Variants in TMEM196 observed in about 807,000 individuals in gnomAD.
The protein encoded by TMEM196 is transmembrane protein 196.
TMEM196 carries 17 observed loss-of-function variants against 20.0 expected under a neutral mutation model. That is an observed-to-expected ratio of 0.85 (90% CI 0.58 to 1.27). The LOEUF (loss-of-function observed/expected upper bound fraction) is 1.27, where lower values mean the gene tolerates loss of function less well. Ranked by LOEUF, TMEM196 falls within the 50% of genes most tolerant of loss-of-function variation. TMEM196 has a pLI of 0.00. For missense variants in TMEM196, 267 were observed against 223.0 expected (o/e 1.20, Z -1.26); for synonymous variants, 113 against 88.9 (o/e 1.27, Z -1.52).
intron 1 of TMEM196, among the ~76,000 whole-genome samples, chr7:19,768,139 T>C (rs140840776): frequency 9.5e-4 from 145 of 152,194 alleles, no homozygotes; most frequent in African/African-American, 3.4e-3. Flanking sequence ...AGATCAAATA[T>C]GCTCCAGAAA....
intron 1 of TMEM196, among the ~76,000 whole-genome samples, chr7:19,748,137 T>C (rs1174073421): frequency 4.0e-5 from 6 of 151,868 alleles, no homozygotes; most frequent in South Asian, 2.1e-4. Flanking sequence ...TTGCTTACAA[T>C]GCTATCCTGC....
At chr7:19,746,717 T>C (rs17452630) in intron 1 of TMEM196, among the ~76,000 whole-genome samples, 3,718 of 152,350 alleles carry the variant, frequency 0.024, 71 homozygotes, top group Middle Eastern at 0.065. Context: ...ATGGTTTGTA[T>C]TGCATAAAAT....
chr7:19,768,997 A>G (rs972476611), intron 1 of TMEM196, among the ~76,000 whole-genome samples: 1 of 152,156 alleles, frequency 6.6e-6, no homozygotes, highest in African/African-American at 2.4e-5. Context: ...CCTAGATAAA[A>G]AGCTTATGAT....
At chr7:19,737,964 T>A (rs559721539) in intron 1 of TMEM196, among the ~76,000 whole-genome samples, 4 of 152,042 alleles carry the variant, frequency 2.6e-5, no homozygotes, top group African/African-American at 9.6e-5. Flanking sequence ...AATCCCAGAA[T>A]AAAATGTAGA....
chr7:19,728,388 A>AT lies in TMEM196; in HGVS notation c.204+993dup, dbSNP rs539592692. 2.2e-3 allele frequency among the ~76,000 whole-genome samples: 329 copies of AT among 152,202 alleles called. 1 individual carries two copies. The highest frequency in any genetic ancestry group is 0.02 in the Admixed American group (307 of 15,296). On this transcript the variant is annotated intron_variant, in intron 2 of 4. Coordinates refer to ENST00000405844, the MANE Select transcript of TMEM196 (RefSeq NM_001363562.2). ...GCAAGTTACAAGCCTGAAAAAATAC[A>AT]TTTTTTTCTAAAGGTTTCATTTTTC...
At chr7:19,758,968 T>C (rs772908301) in intron 1 of TMEM196, among the ~76,000 whole-genome samples, 2 of 152,216 alleles carry the variant, frequency 1.3e-5, no homozygotes, top group Non-Finnish European at 2.9e-5. Flanking sequence ...CCAATTACCC[T>C]TCACCTACTC....
chr7:19,748,285 A>AAAAAC (rs1784838001), intron 1 of TMEM196, among the ~76,000 whole-genome samples: 4 of 143,172 alleles, frequency 2.8e-5, no homozygotes, highest in African/African-American at 1.2e-4. Context: ...AAAAAAAAAA[A>AAAAAC]AAAAAACAGT....
chr7:19,728,115 C>G (rs1422830998), intron 2 of TMEM196, among the ~76,000 whole-genome samples: 2 of 152,128 alleles, frequency 1.3e-5, no homozygotes, highest in Non-Finnish European at 2.9e-5. Flanking sequence ...AGAAGTGCCA[C>G]TATTGCCTTT....
intron 1 of TMEM196, among the ~76,000 whole-genome samples, chr7:19,742,340 G>A (rs1784609368): frequency 6.6e-6 from 1 of 152,096 alleles, no homozygotes; most frequent in Admixed American, 6.6e-5. Context: ...TATAACCAAA[G>A]CTGTTGCCAT....
intron 1 of TMEM196, among the ~76,000 whole-genome samples, chr7:19,750,788 A>G (rs911172459): frequency 2.6e-5 from 4 of 152,202 alleles, no homozygotes; most frequent in Non-Finnish European, 5.9e-5. Context: ...TGCACAATCT[A>G]CACCAAAAAT....
chr7:19,755,191 C>T (rs376420827), intron 1 of TMEM196, among the ~76,000 whole-genome samples: 1 of 152,282 alleles, frequency 6.6e-6, no homozygotes, highest in East Asian at 1.9e-4. Context: ...TAGGCAAAAT[C>T]TAACAAAATA....
intron 2 of TMEM196, among the ~76,000 whole-genome samples, chr7:19,726,234 A>G (rs1280183483): frequency 1.3e-5 from 2 of 152,156 alleles, no homozygotes; most frequent in African/African-American, 2.4e-5. Flanking sequence ...TTAGGCACCA[A>G]ACCCAGATTT....
At chr7:19,757,219 G>C (rs1785254032) in intron 1 of TMEM196, among the ~76,000 whole-genome samples, 1 of 148,686 alleles carries the variant, frequency 6.7e-6, no homozygotes, top group Non-Finnish European at 1.5e-5. Flanking sequence ...TGTCACCCAG[G>C]CTGGAGTGCA....
At chr7:19,730,125 A>G (rs370582181) in intron 1 of TMEM196, among the ~76,000 whole-genome samples, 335 of 152,184 alleles carry the variant, frequency 2.2e-3, no homozygotes, top group African/African-American at 7.5e-3. Flanking sequence ...GCGTGGTGGC[A>G]GGCGCCTATG....
At chr7:19,757,165 G>A (rs1439445882) in intron 1 of TMEM196, among the ~76,000 whole-genome samples, 2 of 145,204 alleles carry the variant, frequency 1.4e-5, no homozygotes, top group Non-Finnish European at 3.0e-5. Context: ...ATCTTATATT[G>A]CAGTAGATAC....
In TMEM196 at chr7:19,720,500, T is replaced by G. The variant is rs1349110007; in HGVS notation, c.*1628A>C. On this transcript the variant is annotated 3_prime_UTR_variant, in exon 5 of 5. Transcript: ENST00000405844. ...AACAAGTAACTCATAAAAAATGACT[T>G]GAAAATTGATTAGATTTGAGGAAAA... 6.6e-6 allele frequency: 1 copy of G among 151,944 alleles called. No homozygotes were observed. The highest frequency in any genetic ancestry group is 1.5e-5 in the Non-Finnish European group (1 of 67,846). 9.4% of individuals were successfully genotyped at this position (151,944 alleles called of 1,614,324 possible).
rs575005631 is a variant in TMEM196 at position 19,769,219 on chromosome 7, G to T, written c.147+3331C>A. 3.9e-5 allele frequency among the ~76,000 whole-genome samples: 6 copies of T among 152,146 alleles called. No individual in the cohort carries two copies. The South Asian group carries it at 1.2e-3, about 32-fold the overall frequency. On this transcript the variant is annotated intron_variant, in intron 1 of 4. Coordinates refer to ENST00000405844, the MANE Select transcript of TMEM196 (RefSeq NM_001363562.2). ...TTATTTGGCATTTATAAATAATCCA[G>T]ATTTTTAATTCATAATTTAGCAAAG...
At chr7:19,770,947 T>G (rs181035835) in intron 1 of TMEM196, among the ~76,000 whole-genome samples, 1 of 151,068 alleles carries the variant, frequency 6.6e-6, no homozygotes, top group African/African-American at 2.4e-5. Context: ...TTGTTGAATT[T>G]CGTTGGGGGC....
At chr7:19,741,701 A>G (rs964026070) in intron 1 of TMEM196, among the ~76,000 whole-genome samples, 2 of 152,164 alleles carry the variant, frequency 1.3e-5, no homozygotes, top group Non-Finnish European at 2.9e-5. Flanking sequence ...AAAAGACAGT[A>G]CTTTTGCACT....
Sources: allele counts gnomAD v4.1 joint callset (sites outside exome capture counted in the v4.1 genomes callset), GRCh38; gene constraint gnomAD v4.1.1; transcripts MANE v1.5; gene names NCBI Gene and HGNC (gene_info 2026-07-23, HGNC 2026-07-21).